The following AHCTF1 variants were observed in gnomAD, a reference collection of about 807,000 sequenced individuals.
The protein encoded by AHCTF1 is protein ELYS.
AHCTF1 carries 24 observed loss-of-function variants against 248.4 expected under a neutral mutation model. That is an observed-to-expected ratio of 0.10 (90% CI 0.07 to 0.14). The LOEUF (loss-of-function observed/expected upper bound fraction) is 0.14, where lower values mean the gene tolerates loss of function less well. Among genes scored for constraint, AHCTF1 ranks in the 10% least tolerant of loss-of-function variants. The probability of loss-of-function intolerance (pLI) is 1.00; values close to 1 mark genes in which losing one functional copy is unlikely to be tolerated. For synonymous variants in AHCTF1, 786 were observed against 929.8 expected (o/e 0.85, Z 2.81); for missense variants, 2,206 against 2,636.2 (o/e 0.84, Z 3.57).
intron 21 of AHCTF1, among the ~76,000 whole-genome samples, chr1:246,881,271 T>A (rs1334338932): frequency 6.6e-6 from 1 of 152,168 alleles, no homozygotes; most frequent in African/African-American, 2.4e-5. Flanking sequence ...AAATTAAAAC[T>A]CTTATGTACC....
In AHCTF1 at chr1:246,877,050, G is replaced by C. The variant is rs762681626; in HGVS notation, c.2837C>G (p.Ala946Gly). Residue 946 changes from alanine (A) to glycine (G), a missense_variant, in exon 23 of 36, where the codon GCC (alanine) becomes GGC (glycine). Ala to Gly is a moderately conservative substitution (Grantham distance 60). Around this residue, in one of 6 missense-constraint regions of AHCTF1, gnomAD observed 955 missense variants for 1,055.6 expected, o/e 0.90. Coordinates refer to ENST00000648844, the MANE Select transcript of AHCTF1 (RefSeq NM_001323342.2). ...ECLVKFLQSSASVQNHEFLLV... is the reference protein window; with the variant it reads ...ECLVKFLQSSGSVQNHEFLLV... The stretch of plus-strand genomic sequence containing the variant: ...AAGGAATTCATGATTCTGAACGCTG[G>C]CACTGGACTGCAAAAATTTCACTAA... 1 of 1,612,144 alleles carries C rather than the reference G, an allele frequency of 6.2e-7. No individual in the cohort carries two copies. The highest frequency in any genetic ancestry group is 8.5e-7 in the Non-Finnish European group (1 of 1,179,964).
At chr1:246,880,951 T>C (rs1045530716) in intron 21 of AHCTF1, among the ~76,000 whole-genome samples, 2 of 152,210 alleles carry the variant, frequency 1.3e-5, no homozygotes, top group African/African-American at 4.8e-5. Flanking sequence ...TAATAAGGAA[T>C]GCATGGGGGT....
intron 2 of AHCTF1, among the ~76,000 whole-genome samples, chr1:246,917,336 G>GT (rs1266631311): frequency 6.6e-6 from 1 of 152,152 alleles, no homozygotes; most frequent in Non-Finnish European, 1.5e-5. Flanking sequence ...CAGATGAATG[G>GT]TAACTTCTAA....
At chr1:246,869,056 G>A (rs185910751) in intron 24 of AHCTF1, among the ~76,000 whole-genome samples, 58 of 151,590 alleles carry the variant, frequency 3.8e-4, no homozygotes, top group Non-Finnish European at 7.2e-4. Context: ...ATGTTGGCCA[G>A]GATGGTCTCG....
At chr1:246,920,935 A>T (rs1344490217) in intron 1 of AHCTF1, among the ~76,000 whole-genome samples, 1 of 151,530 alleles carries the variant, frequency 6.6e-6, no homozygotes, top group African/African-American at 2.4e-5. Flanking sequence ...ATAATACCAA[A>T]AAAAAAATCA....
At chr1:246,913,162 C>T (rs1264087657) in intron 4 of AHCTF1, 70 bp downstream of exon 4, 1 of 1,349,030 alleles carries the variant, frequency 7.4e-7, no homozygotes. Context: ...AAAAATTTGG[C>T]TACTTTAAAA....
At chr1:246,851,468 G>C (rs770662748) in intron 32 of AHCTF1, 26 bp from the exon 33 acceptor site, 1 of 1,558,136 alleles carries the variant, frequency 6.4e-7, no homozygotes, top group Non-Finnish European at 8.7e-7. Flanking sequence ...ATAAGAGACT[G>C]GTTAAAGAAT....
At chr1:246,923,742 TG>T (rs1666739699) in intron 1 of AHCTF1, among the ~76,000 whole-genome samples, 1 of 79,336 alleles carries the variant, frequency 1.3e-5, no homozygotes, top group Non-Finnish European at 2.6e-5. Flanking sequence ...CGTGCATGCG[TG>T]TGTGTGTGTG....
intron 33 of AHCTF1, among the ~76,000 whole-genome samples, chr1:246,846,354 T>C (rs1660259050): frequency 6.6e-6 from 1 of 151,788 alleles, no homozygotes; most frequent in Non-Finnish European, 1.5e-5. Flanking sequence ...GGTAACAGTA[T>C]AAAGGGCAGA....
chr1:246,878,784 G>T lies in AHCTF1; in HGVS notation c.2661-1482C>A, dbSNP rs182142878. ...GCCATCTGTTACTTTTGTTGTTCTG[G>T]AACTAGAGTATTTCCACATGCTCCA... On this transcript the variant is annotated intron_variant, in intron 21 of 35. Coordinates refer to ENST00000648844, the MANE Select transcript of AHCTF1 (RefSeq NM_001323342.2). 2.6e-5 allele frequency among the ~76,000 whole-genome samples: 4 copies of T among 152,226 alleles called. No homozygotes were observed. The East Asian group carries it at 7.7e-4, about 29-fold the overall frequency.
intron 35 of AHCTF1, among the ~76,000 whole-genome samples, chr1:246,841,566 C>T (rs116044324): frequency 6.6e-6 from 1 of 152,172 alleles, no homozygotes; most frequent in Non-Finnish European, 1.5e-5. Context: ...GTAACAAATA[C>T]ATCTGAAATG....
intron 26 of AHCTF1, 66 bp downstream of exon 26, chr1:246,867,174 ATAAT>A: frequency 1.3e-6 from 1 of 760,048 alleles, no homozygotes; most frequent in Non-Finnish European, 2.1e-6. Context: ...AATGTTAAAG[ATAAT>A]TAAAAATTAC....
chr1:246,905,715 A>C (rs1665340954), intron 5 of AHCTF1, 58 bp from the exon 6 acceptor site: 4 of 1,383,762 alleles, frequency 2.9e-6, no homozygotes, highest in Admixed American at 1.8e-5. Flanking sequence ...GGAAAAAGGT[A>C]CATCATGTAA....
intron 1 of AHCTF1, among the ~76,000 whole-genome samples, chr1:246,926,282 C>T (rs953119084): frequency 1.3e-5 from 2 of 152,088 alleles, no homozygotes; most frequent in Non-Finnish European, 2.9e-5. Context: ...CACAGGCTAA[C>T]GTATTTCTAA....
intron 28 of AHCTF1, 145 bp downstream of exon 28, chr1:246,861,814 T>C (rs1319898471): frequency 5.3e-6 from 4 of 749,446 alleles, no homozygotes; most frequent in Non-Finnish European, 8.5e-6. Context: ...AGAACTAACC[T>C]TTTCTTATTT....
intron 29 of AHCTF1, among the ~76,000 whole-genome samples, chr1:246,859,779 T>A (rs10802450): frequency 6.6e-6 from 1 of 151,750 alleles, no homozygotes; most frequent in South Asian, 2.1e-4. Context: ...GGTCTCCCTA[T>A]GTTGTCTAGG....
chr1:246,856,768 G>A (rs1171062568), intron 30 of AHCTF1, among the ~76,000 whole-genome samples: 3 of 152,298 alleles, frequency 2.0e-5, no homozygotes, highest in Admixed American at 2.0e-4. Flanking sequence ...AGCTAATCTA[G>A]ATTTCTCAGG....
At chr1:246,918,509 A>C (rs1006259327) in intron 1 of AHCTF1, 132 bp from the exon 2 acceptor site, 16 of 933,276 alleles carry the variant, frequency 1.7e-5, no homozygotes, top group Admixed American at 3.4e-5. Context: ...TACAAAATAC[A>C]TATTGGCCAG....
At chr1:246,872,199 T>TA (rs997356089) in intron 24 of AHCTF1, among the ~76,000 whole-genome samples, 10 of 151,628 alleles carry the variant, frequency 6.6e-5, no homozygotes, top group Non-Finnish European at 1.5e-4. Flanking sequence ...ATCTAAAAGA[T>TA]AAAACAGATC....
Sources: gnomAD v4.1 joint callset for allele counts (sites outside exome capture counted in the v4.1 genomes callset) on GRCh38, gnomAD v4.1.1 for gene constraint, gnomAD v4.1.1 regional missense constraint, MANE v1.5 for transcripts, NCBI Gene and HGNC (gene_info 2026-07-23, HGNC 2026-07-21) for gene names.